Variants in KCTD1 observed in about 807,000 individuals in gnomAD.
KCTD1 encodes the protein BTB/POZ domain-containing protein KCTD1.
Under a neutral mutation model 66.0 loss-of-function variants are expected in KCTD1, and 24 were observed. The ratio of observed to expected loss-of-function variants is 0.36; its 90% CI spans 0.26 to 0.51. The LOEUF (loss-of-function observed/expected upper bound fraction) is 0.51, where lower values mean the gene tolerates loss of function less well. Ranked by LOEUF, KCTD1 falls within the 20% of genes least tolerant of loss-of-function variation. The pLI is 0.95. For missense variants in KCTD1, 943 were observed against 1,205.2 expected (o/e 0.78, Z 3.22); for synonymous variants, 511 against 517.2 (o/e 0.99, Z 0.16).
At chr18:26,609,245 C>T (rs1987082590) in intron 1 of KCTD1, among the ~76,000 whole-genome samples, 1 of 152,176 alleles carries the variant, frequency 6.6e-6, no homozygotes, top group Admixed American at 6.5e-5. Flanking sequence ...AATCCCTTAG[C>T]ATTAAATATT....
intron 1 of KCTD1, among the ~76,000 whole-genome samples, chr18:26,652,794 G>C (rs931753587): frequency 1.9e-4 from 29 of 152,184 alleles, no homozygotes; most frequent in African/African-American, 6.3e-4. Context: ...TGTTACACCG[G>C]ATGTGAATGA....
At chr18:26,656,158 G>C (rs1051977899) in intron 1 of KCTD1, among the ~76,000 whole-genome samples, 1 of 152,202 alleles carries the variant, frequency 6.6e-6, no homozygotes, top group African/African-American at 2.4e-5. Context: ...GGCCAGAGGC[G>C]GCCGGGAAAC....
At chr18:26,591,958 C>T (rs1485634767) in intron 1 of KCTD1, among the ~76,000 whole-genome samples, 1 of 152,118 alleles carries the variant, frequency 6.6e-6, no homozygotes, top group Non-Finnish European at 1.5e-5. Context: ...ATCTATTGAA[C>T]ACATGATACA....
intron 1 of KCTD1, among the ~76,000 whole-genome samples, chr18:26,646,225 A>G (rs982493666): frequency 1.3e-5 from 2 of 152,216 alleles, no homozygotes; most frequent in Admixed American, 1.3e-4. Context: ...CTCTGTTAGC[A>G]TGGATCAAGA....
At chr18:26,546,679 C>T (rs982352962) in intron 1 of KCTD1, 49 bp downstream of exon 1, 5 of 1,507,474 alleles carry the variant, frequency 3.3e-6, no homozygotes, top group East Asian at 4.9e-5. Context: ...AAGTTAGTCC[C>T]GAAGTGGTAC....
chr18:26,607,421 G>A (rs576516258), intron 1 of KCTD1, among the ~76,000 whole-genome samples: 3 of 152,214 alleles, frequency 2.0e-5, no homozygotes, highest in Non-Finnish European at 4.4e-5. Flanking sequence ...GGCTGAGCTA[G>A]CTGAGGGCAA....
Position 26,548,545 on chromosome 18 carries a change from C to T in KCTD1, c.-9G>A. On this transcript the variant is annotated 5_prime_UTR_variant, in exon 1 of 5. Coordinates refer to ENST00000580059, the MANE Select transcript of KCTD1 (RefSeq NM_001142730.3). ...CCAGGCATTCTCGCCATATTGCCGT[C>T]TCTCTGCCAGTCCTCGGGCAGGGCG... 1 of 1,225,708 alleles carries T rather than the reference C, an allele frequency of 8.2e-7. No homozygotes were observed. Among genetic ancestry groups the T allele is most frequent in the Non-Finnish European group, 1.0e-6 (1 of 986,098 alleles). The allele number at this position is 1,225,708 out of a possible 1,614,324, so 75.9% of individuals were successfully genotyped here.
intron 1 of KCTD1, among the ~76,000 whole-genome samples, chr18:26,527,267 G>A (rs1423079822): frequency 6.6e-6 from 1 of 152,134 alleles, no homozygotes; most frequent in Non-Finnish European, 1.5e-5. Flanking sequence ...CTTTAAAAGG[G>A]GAGGGAGAGC....
At chr18:26,603,101 T>C (rs762794248) in intron 1 of KCTD1, among the ~76,000 whole-genome samples, 6 of 152,110 alleles carry the variant, frequency 3.9e-5, no homozygotes, top group Non-Finnish European at 8.8e-5. Context: ...CTCTTCCGTA[T>C]AGCATATACA....
chr18:26,460,031 C>G (rs1980333305), intron 3 of KCTD1, 106 bp from the exon 4 acceptor site: 13 of 826,384 alleles, frequency 1.6e-5, no homozygotes, highest in Non-Finnish European at 2.1e-5. Context: ...TGTCACTAAT[C>G]AAATCTGCAT....
intron 2 of KCTD1, among the ~76,000 whole-genome samples, chr18:26,500,625 C>T (rs1982711560): frequency 6.6e-6 from 1 of 152,080 alleles, no homozygotes; most frequent in Non-Finnish European, 1.5e-5. Flanking sequence ...CTTTTGCATA[C>T]AGATCTAAAT....
At chr18:26,609,406 A>G (rs1987086621) in intron 1 of KCTD1, among the ~76,000 whole-genome samples, 1 of 152,196 alleles carries the variant, frequency 6.6e-6, no homozygotes, top group African/African-American at 2.4e-5. Context: ...GAAGCAAAAG[A>G]TTTCTTGCTT....
intron 1 of KCTD1, among the ~76,000 whole-genome samples, chr18:26,652,218 C>A (rs73944692): frequency 0.016 from 2,422 of 152,190 alleles, 71 homozygotes; most frequent in African/African-American, 0.056. Context: ...TCTTAACAAT[C>A]CTGTAAGGCA....
At chr18:26,653,154 A>G (rs1988067907) in intron 1 of KCTD1, among the ~76,000 whole-genome samples, 2 of 152,064 alleles carry the variant, frequency 1.3e-5, no homozygotes, top group African/African-American at 4.8e-5. Context: ...CCAAACACCA[A>G]TCTGATTACT....
chr18:26,640,700 G>A (rs1409719670), upstream of KCTD1, among the ~76,000 whole-genome samples: 1 of 152,154 alleles, frequency 6.6e-6, no homozygotes, highest in Non-Finnish European at 1.5e-5. Flanking sequence ...GGAAGGTGAG[G>A]AGTTTACTTT....
At chr18:26,496,764 A>G (rs1447429883) in intron 2 of KCTD1, among the ~76,000 whole-genome samples, 5 of 151,848 alleles carry the variant, frequency 3.3e-5, no homozygotes, top group Admixed American at 3.3e-4. Context: ...ACACACACAC[A>G]CACGCATTGG....
chr18:26,509,166 A>AC (rs1395217551), intron 1 of KCTD1, among the ~76,000 whole-genome samples: 3 of 152,010 alleles, frequency 2.0e-5, no homozygotes, highest in African/African-American at 7.2e-5. Context: ...AGTAAAAAAA[A>AC]AAAAACAAAC....
At chr18:26,585,096 C>T (rs1483590009) in intron 1 of KCTD1, among the ~76,000 whole-genome samples, 1 of 152,040 alleles carries the variant, frequency 6.6e-6, no homozygotes, top group East Asian at 1.9e-4. Context: ...ATGCTGCCCC[C>T]CGATACCAGG....
intron 1 of KCTD1, among the ~76,000 whole-genome samples, chr18:26,573,822 A>T (rs1195468948): frequency 6.6e-6 from 1 of 152,238 alleles, no homozygotes; most frequent in Non-Finnish European, 1.5e-5. Flanking sequence ...GAATTCATAG[A>T]TAATTCTAAG....
Sources: gnomAD v4.1 joint callset for allele counts (sites outside exome capture counted in the v4.1 genomes callset) on GRCh38, gnomAD v4.1.1 for gene constraint, MANE v1.5 for transcripts, NCBI Gene and HGNC (gene_info 2026-07-23, HGNC 2026-07-21) for gene names.